Variants in BCL2 observed in about 807,000 individuals in gnomAD.
BCL2 encodes apoptosis regulator Bcl-2.
In BCL2, 1 loss-of-function variant was observed where a neutral mutation model predicts 14.2. The observed-to-expected ratio is 0.07, with a 90% confidence interval of 0.02 to 0.33. The LOEUF (loss-of-function observed/expected upper bound fraction) is 0.33. Among genes scored for constraint, BCL2 ranks in the 10% least tolerant of loss-of-function variants. The pLI, the probability that BCL2 is intolerant of heterozygous loss-of-function variation, is 0.99. For synonymous variants in BCL2, 151 were observed against 137.2 expected, an observed-to-expected ratio of 1.10 and a Z score of -0.70; for missense variants, 247 against 305.9, an observed-to-expected ratio of 0.81 and a Z score of 1.44.
At chr18:63,198,678 A>AC (rs201331425) in intron 2 of BCL2, among the ~76,000 whole-genome samples, 2 of 34,090 alleles carry the variant, frequency 5.9e-5, no homozygotes, top group Non-Finnish European at 1.2e-4. Context: ...ACAAAGACAC[A>AC]ACAGACACAG....
intron 2 of BCL2, among the ~76,000 whole-genome samples, chr18:63,265,982 T>A (rs1044341031): frequency 6.6e-6 from 1 of 152,058 alleles, no homozygotes; most frequent in African/African-American, 2.4e-5. Context: ...AATAAATGAG[T>A]ACATCCGTTA....
In BCL2 at chr18:63,138,048, G is replaced by A. The variant is rs918022695; in HGVS notation, c.586-9289C>T. 7.2e-5 allele frequency among the ~76,000 whole-genome samples: 11 copies of A among 152,298 alleles called. 1 individual carries two copies. Among genetic ancestry groups the A allele is most frequent in the South Asian group, 2.1e-4 (1 of 4,832 alleles). ...CACACAGAATCTATGACATGCAACC[G>A]TCAGGTGAGAGAGAACGCCAGGAGA... On this transcript the variant is annotated intron_variant, in intron 2 of 2. Transcript: ENST00000333681.
At chr18:63,170,017 A>T (rs1463064583) in intron 2 of BCL2, among the ~76,000 whole-genome samples, 1 of 152,174 alleles carries the variant, frequency 6.6e-6, no homozygotes, top group Non-Finnish European at 1.5e-5. Flanking sequence ...AGTGATCAGT[A>T]TGTGGAAGGA....
At chr18:63,283,383 C>A (rs1038382221) in intron 2 of BCL2, among the ~76,000 whole-genome samples, 1 of 152,162 alleles carries the variant, frequency 6.6e-6, no homozygotes, top group Non-Finnish European at 1.5e-5. Context: ...GGTTTTTAAT[C>A]TTCCTTGACA....
At chr18:63,248,640 C>T (rs12970840) in intron 2 of BCL2, among the ~76,000 whole-genome samples, 22,063 of 152,126 alleles carry the variant, frequency 0.15, 1,796 homozygotes, top group Non-Finnish European at 0.18. Context: ...TAAGCACATC[C>T]GAGAGAGAAA....
intron 2 of BCL2, among the ~76,000 whole-genome samples, chr18:63,235,775 G>A (rs1332450146): frequency 6.6e-6 from 1 of 151,244 alleles, no homozygotes; most frequent in African/African-American, 2.4e-5. Context: ...TTTTCTGTTT[G>A]CTCGAGATCT....
intron 2 of BCL2, among the ~76,000 whole-genome samples, chr18:63,224,496 G>T (rs1910492503): frequency 6.6e-6 from 1 of 152,238 alleles, no homozygotes; most frequent in African/African-American, 2.4e-5. Flanking sequence ...GTGCAATAAA[G>T]CAATATCTTC....
chr18:63,267,593 C>T (rs1911869862), intron 2 of BCL2, among the ~76,000 whole-genome samples: 1 of 152,012 alleles, frequency 6.6e-6, no homozygotes, highest in Admixed American at 6.6e-5. Flanking sequence ...GGGTTAAGTC[C>T]CAAATTTGTT....
intron 2 of BCL2, among the ~76,000 whole-genome samples, chr18:63,301,932 A>G (rs1912971419): frequency 1.3e-5 from 2 of 152,256 alleles, no homozygotes; most frequent in African/African-American, 2.4e-5. Flanking sequence ...TAAAAACTAC[A>G]TAATGCAGTC....
chr18:63,281,509 A>T (rs1169203118), intron 2 of BCL2, among the ~76,000 whole-genome samples: 1 of 151,924 alleles, frequency 6.6e-6, no homozygotes, highest in Non-Finnish European at 1.5e-5. Context: ...CTACAAAAAA[A>T]TACAAAAATT....
chr18:63,160,942 AAAAGGTTGCAGTATTTCCTGGACACCTG>A (rs1914905716), intron 2 of BCL2, among the ~76,000 whole-genome samples: 1 of 152,166 alleles, frequency 6.6e-6, no homozygotes, highest in East Asian at 1.9e-4. Flanking sequence ...CATTTCTCAT[AAAAGGTTGCAGTATTTCCTGGACACCTG>A]AATTCTATGT....
At chr18:63,165,678 CA>C (rs1280911956) in intron 2 of BCL2, among the ~76,000 whole-genome samples, 1 of 152,222 alleles carries the variant, frequency 6.6e-6, no homozygotes, top group Non-Finnish European at 1.5e-5. Flanking sequence ...GTTTTACAGT[CA>C]CCTGTGCAAC....
chr18:63,291,627 GAGTACAAAGATAA>G (rs991311146), intron 2 of BCL2, among the ~76,000 whole-genome samples: 1 of 152,026 alleles, frequency 6.6e-6, no homozygotes, highest in Non-Finnish European at 1.5e-5. Flanking sequence ...ACACATGAAA[GAGTACAAAGATAA>G]AGCAAATAGC....
At chr18:63,285,083 C>T (rs1912432357) in intron 2 of BCL2, among the ~76,000 whole-genome samples, 1 of 152,222 alleles carries the variant, frequency 6.6e-6, no homozygotes, top group African/African-American at 2.4e-5. Flanking sequence ...TTCAGGGCCG[C>T]CCACAGCTGG....
intron 2 of BCL2, among the ~76,000 whole-genome samples, chr18:63,299,145 C>T (rs1462583072): frequency 6.6e-6 from 1 of 152,236 alleles, no homozygotes; most frequent in Non-Finnish European, 1.5e-5. Context: ...GGGCAAAGTA[C>T]AGGCCATGTG....
intron 2 of BCL2, among the ~76,000 whole-genome samples, chr18:63,312,864 G>A (rs1457263733): frequency 6.6e-6 from 1 of 152,206 alleles, no homozygotes; most frequent in Non-Finnish European, 1.5e-5. Context: ...GTAGACTGGT[G>A]TTTATTAAGT....
chr18:63,155,412 G>A (rs1303879353), intron 2 of BCL2, among the ~76,000 whole-genome samples: 1 of 152,086 alleles, frequency 6.6e-6, no homozygotes, highest in African/African-American at 2.4e-5. Context: ...GATGTCGGGT[G>A]GGCGTGGAAT....
Position 63,318,454 on chromosome 18 carries a change from C to A in BCL2, c.213G>T (p.Pro71=). ...CGCCGGGGGCAGCCGGGGTCTGCAG[C>A]GGCGAGGTCCTGGCGACCGGGTCCC... The part of the protein sequence containing the change: ...ASRDPVARTS[P]LQTPAAPGAA... The change falls in exon 2 of 3, where the codon CCG becomes CCT. Residue 71 remains proline, a synonymous_variant. Transcript: ENST00000333681. This position sits in a 1 kb window ranked among gnomAD's most constrained non-coding sequence, Gnocchi z 7.4. 1 of 1,469,470 alleles carries A rather than the reference C, an allele frequency of 6.8e-7. No homozygotes were observed. Among genetic ancestry groups the A allele is most frequent in the South Asian group, 1.4e-5 (1 of 70,740 alleles). The allele number at this position is 1,469,470 out of a possible 1,614,324, so 91.0% of individuals were successfully genotyped here. A position where few individuals can be genotyped will look rare whatever the true frequency, so the allele number is the denominator to read the frequency against.
intron 2 of BCL2, among the ~76,000 whole-genome samples, chr18:63,146,849 T>C (rs919448023): frequency 3.3e-5 from 5 of 152,190 alleles, no homozygotes; most frequent in African/African-American, 1.2e-4. Context: ...GGAATATAGA[T>C]TCAAACAGGT....
Sources: gnomAD v4.1 joint callset for allele counts (sites outside exome capture counted in the v4.1 genomes callset) on GRCh38, gnomAD v4.1.1 for gene constraint, Gnocchi (gnomAD v3.1) non-coding constraint, MANE v1.5 for transcripts, NCBI Gene and HGNC (gene_info 2026-07-23, HGNC 2026-07-21) for gene names.